Variants in KLF8 observed in about 807,000 individuals in gnomAD.
KLF8 encodes KLF transcription factor 8.
A neutral mutation model predicts 18.2 loss-of-function variants in KLF8; 10 were observed. That is an observed-to-expected ratio of 0.55 (90% CI 0.34 to 0.93). The LOEUF (loss-of-function observed/expected upper bound fraction) is 0.93, where lower values mean the gene tolerates loss of function less well. KLF8 is among the 40% of genes least tolerant of loss of function. KLF8 has a pLI of 0.02. For synonymous variants in KLF8, 109 were observed against 97.3 expected (o/e 1.12, Z -0.71); for missense variants, 264 against 277.9 (o/e 0.95, Z 0.36).
the KLF8 span, among the ~76,000 whole-genome samples, chrX:56,190,250 A>T: frequency 9.0e-6 from 1 of 110,988 alleles, no homozygotes; most frequent in Non-Finnish European, 1.9e-5. Flanking sequence ...TCAATACACA[A>T]TGACAAAGGG....
At chrX:56,203,613 G>A in the KLF8 span, among the ~76,000 whole-genome samples, 2 of 112,449 alleles carry the variant, frequency 1.8e-5, no homozygotes, top group Admixed American at 1.9e-4. Flanking sequence ...TATGGTGAGA[G>A]AAAGGGGTCT....
chrX:55,955,129 C>G, the KLF8 span, among the ~76,000 whole-genome samples: 4 of 110,924 alleles, frequency 3.6e-5, no homozygotes, highest in African/African-American at 9.8e-5. Context: ...AGCTAGTGAA[C>G]TTTATAGTAC....
intron 5 of KLF8, among the ~76,000 whole-genome samples, chrX:56,282,402 T>TC (rs2067212942): frequency 3.5e-5 from 4 of 112,712 alleles, no homozygotes; most frequent in Non-Finnish European, 5.6e-5. Context: ...TCTTAGCAGC[T>TC]AATGCAGCTA....
the KLF8 span, among the ~76,000 whole-genome samples, chrX:55,947,262 A>T: frequency 9.0e-6 from 1 of 110,895 alleles, no homozygotes; most frequent in African/African-American, 3.3e-5. Context: ...GATAGACTGG[A>T]TTAAGAAAAT....
the KLF8 span, among the ~76,000 whole-genome samples, chrX:56,108,468 C>A: frequency 1.3e-4 from 14 of 111,454 alleles, no homozygotes; most frequent in African/African-American, 4.5e-4. Context: ...ATTATGTTAT[C>A]TTTTTTCATA....
At chrX:56,176,063 G>T in the KLF8 span, among the ~76,000 whole-genome samples, 5 of 111,354 alleles carry the variant, frequency 4.5e-5, no homozygotes, top group African/African-American at 1.6e-4. Context: ...TTTGCCACTT[G>T]GTGTCTTTTA....
At chrX:56,155,726 A>G in the KLF8 span, among the ~76,000 whole-genome samples, 1 of 111,767 alleles carries the variant, frequency 8.9e-6, no homozygotes, top group Non-Finnish European at 1.9e-5. Flanking sequence ...AGAATATTTC[A>G]TGATGCTGAG....
chrX:56,017,501 A>G, the KLF8 span, among the ~76,000 whole-genome samples: 1 of 112,330 alleles, frequency 8.9e-6, no homozygotes, highest in Non-Finnish European at 1.9e-5. Context: ...AGGAAGATGC[A>G]GTTGGTCTGA....
the KLF8 span, among the ~76,000 whole-genome samples, chrX:56,003,180 C>G: frequency 1.8e-5 from 2 of 110,639 alleles, no homozygotes; most frequent in South Asian, 7.7e-4. Flanking sequence ...CACCTGAGGT[C>G]AGGAGTTCGA....
chrX:56,029,857 G>A, the KLF8 span, among the ~76,000 whole-genome samples: 23 of 111,720 alleles, frequency 2.1e-4, no homozygotes, highest in Admixed American at 2.2e-3. Flanking sequence ...GCAAATCAGC[G>A]TTCCACCTGG....
At chrX:56,230,308 T>C (rs751902372), upstream of KLF8, among the ~76,000 whole-genome samples, 1 of 112,437 alleles carries the variant, frequency 8.9e-6, no homozygotes, top group Non-Finnish European at 1.9e-5. Flanking sequence ...GAGAAAACTT[T>C]TCAGCATTGC....
At chrX:56,184,727 T>G in the KLF8 span, among the ~76,000 whole-genome samples, 2 of 112,020 alleles carry the variant, frequency 1.8e-5, no homozygotes, top group Non-Finnish European at 3.8e-5. Flanking sequence ...GAAATTCCGC[T>G]GTTCTGCAGC....
At chrX:56,050,838 T>C in the KLF8 span, among the ~76,000 whole-genome samples, 19 of 110,170 alleles carry the variant, frequency 1.7e-4, no homozygotes, top group Admixed American at 1.6e-3. Context: ...ACTTTCTGTC[T>C]CATTGATCTG....
the KLF8 span, among the ~76,000 whole-genome samples, chrX:55,972,709 A>AT: frequency 9.0e-6 from 1 of 111,594 alleles, no homozygotes; most frequent in Non-Finnish European, 1.9e-5. Context: ...GCTGAAGGAT[A>AT]TCAGAGACAA....
the KLF8 span, among the ~76,000 whole-genome samples, chrX:56,078,481 A>G: frequency 2.7e-5 from 3 of 112,073 alleles, no homozygotes; most frequent in African/African-American, 9.7e-5. Flanking sequence ...CTTGCATCCC[A>G]GGGATGAATC....
At chrX:56,047,094 A>T in the KLF8 span, among the ~76,000 whole-genome samples, 9 of 109,259 alleles carry the variant, frequency 8.2e-5, no homozygotes, top group Non-Finnish European at 1.9e-5. Context: ...ATTTGGGTTA[A>T]TTTGAAAGCC....
At chrX:56,138,071 C>T in the KLF8 span, among the ~76,000 whole-genome samples, 1 of 99,825 alleles carries the variant, frequency 1.0e-5, no homozygotes, top group Non-Finnish European at 2.0e-5. Context: ...AAAAAACCCT[C>T]AGAGACTATT....
chrX:56,180,595 T>A, the KLF8 span, among the ~76,000 whole-genome samples: 33 of 111,306 alleles, frequency 3.0e-4, no homozygotes, highest in Non-Finnish European at 6.0e-4. Flanking sequence ...TCTTGTGAGC[T>A]TTTAGTGCTA....
At chrX:55,962,791 G>T in the KLF8 span, among the ~76,000 whole-genome samples, 2 of 112,372 alleles carry the variant, frequency 1.8e-5, no homozygotes, top group Non-Finnish European at 3.8e-5. Context: ...AAACCTGTCA[G>T]TTATGCCATT....
Sources: allele counts gnomAD v4.1 joint callset (sites outside exome capture counted in the v4.1 genomes callset), GRCh38; gene constraint gnomAD v4.1.1; transcripts MANE v1.5; gene names NCBI Gene and HGNC (gene_info 2026-07-23, HGNC 2026-07-21).